The following ADGRF5 variants were observed in gnomAD, a reference collection of about 807,000 sequenced individuals.
The protein encoded by ADGRF5 is G-protein coupled receptor 116.
Under a neutral mutation model 132.3 loss-of-function variants are expected in ADGRF5, and 75 were observed. That is an observed-to-expected ratio of 0.57 (90% CI 0.47 to 0.69). ADGRF5 has a LOEUF of 0.69. Among genes scored for constraint, ADGRF5 ranks in the 30% least tolerant of loss-of-function variants. The pLI is 0.00. For missense variants in ADGRF5, 1,516 were observed against 1,630.6 expected, an observed-to-expected ratio of 0.93 and a Z score of 1.21; for synonymous variants, 629 against 597.6, an observed-to-expected ratio of 1.05 and a Z score of -0.77.
chr6:46,860,342 C>A (rs547257688), intron 16 of ADGRF5, among the ~76,000 whole-genome samples: 1 of 152,176 alleles, frequency 6.6e-6, no homozygotes, highest in Admixed American at 6.5e-5. Flanking sequence ...CCTCCCAGAA[C>A]CTCTATGCTT....
At chr6:46,938,744 C>A (rs913518665) in intron 1 of ADGRF5, among the ~76,000 whole-genome samples, 1 of 152,232 alleles carries the variant, frequency 6.6e-6, no homozygotes, top group Non-Finnish European at 1.5e-5. Flanking sequence ...AACAAACTCT[C>A]CAGGTAACTC....
At chr6:46,864,963 G>T in intron 14 of ADGRF5, 79 bp downstream of exon 14, 1 of 921,760 alleles carries the variant, frequency 1.1e-6, no homozygotes, top group Non-Finnish European at 1.7e-6. Context: ...TTATTGAATG[G>T]GGATGAATGA....
In ADGRF5 at chr6:46,859,102, A is replaced by G. The variant is rs868201238; in HGVS notation, c.2801T>C (p.Met934Thr). The G allele has an allele frequency of 1.2e-6, 2 of 1,613,920 alleles. No individual in the cohort carries two copies. Among genetic ancestry groups the G allele is most frequent in the East Asian group, 2.2e-5 (1 of 44,882 alleles). The change falls in exon 17 of 21, where the codon ATG (methionine) becomes ACG (threonine). Residue 934 changes from methionine to threonine, a missense_variant. Coordinates refer to ENST00000283296, the MANE Select transcript of ADGRF5 (RefSeq NM_001098518.2). Reference protein sequence around the residue: ...MTTTVSHNTTMPFRISMTFKN... With the variant: ...MTTTVSHNTTTPFRISMTFKN... The stretch of plus-strand genomic sequence containing the variant: ...AAAAGTCATTGAAATCCTGAATGGC[A>G]TAGTTGTATTGTGGCTGACAGTGGT...
chr6:46,877,277 TTCTTTCTTTCTTTCTCTCTC>T (rs1771836465), intron 10 of ADGRF5, among the ~76,000 whole-genome samples: 2 of 46,102 alleles, frequency 4.3e-5, no homozygotes, highest in Admixed American at 1.8e-4. Flanking sequence ...CTTTCTTTCT[TTCTTTCTTTCTTTCTCTCTC>T]TCTCTCTCTT....
At chr6:46,863,748 A>G (rs1770057326) in intron 14 of ADGRF5, among the ~76,000 whole-genome samples, 1 of 152,208 alleles carries the variant, frequency 6.6e-6, no homozygotes, top group Admixed American at 6.5e-5. Context: ...TAAGATCTTA[A>G]CCACTGTATA....
intron 9 of ADGRF5, among the ~76,000 whole-genome samples, chr6:46,879,453 C>T (rs562797514): frequency 6.6e-6 from 1 of 151,990 alleles, no homozygotes; most frequent in Non-Finnish European, 1.5e-5. Context: ...TGGTTTAAAA[C>T]CAGATGTTTG....
At position 46,934,712 on chromosome 6, in the gene ADGRF5, C is replaced by T. The variant is rs552509448; in HGVS notation, c.-25+20022G>A. 3.2e-4 allele frequency among the ~76,000 whole-genome samples: 49 copies of T among 152,162 alleles called. 1 individual carries two copies. Among genetic ancestry groups the T allele is most frequent in the Non-Finnish European group, 1.5e-4 (10 of 68,016 alleles). The stretch of plus-strand genomic sequence containing the variant: ...AGAGGCTGGAGAGACTTCAGGCAAA[C>T]TCAACAGTCCCAAACCCTTAGAAAC... On this transcript the variant is annotated intron_variant, in intron 1 of 20. Transcript: ENST00000265417.
At position 46,906,666 on chromosome 6, in the gene ADGRF5, G is replaced by A; in HGVS notation, c.97C>T (p.Pro33Ser). ...LNWNYESTIH[P>S]LSLHEHEPAG... ...CAGATATGGATATAACTCACCAAAG[G>A]ATGAATAGTAGACTCGTAATTCCAG... Residue 33 changes from proline to serine, a missense_variant, in exon 2 of 21, where the codon CCT becomes TCT. Transcript: ENST00000283296. 2 of 1,493,718 alleles carry A rather than the reference G, an allele frequency of 1.3e-6. No individual in the cohort carries two copies. The highest frequency in any genetic ancestry group is 1.9e-6 in the Non-Finnish European group (2 of 1,070,780). 92.5% of individuals were successfully genotyped at this position (1,493,718 alleles called of 1,614,324 possible). A position where few individuals can be genotyped will look rare whatever the true frequency, so the allele number is the denominator to read the frequency against.
chr6:46,888,505 A>G lies in ADGRF5; in HGVS notation c.158T>C (p.Val53Ala). The G allele has an allele frequency of 6.2e-7, 1 of 1,610,340 alleles. No individual in the cohort carries two copies. ...TTCAGCCGTAGGACTTTTTGTGGCA[A>G]CTGCAATGAAAGCACATGAAGGCTG... ...GEEALRQKRAVATKSPTAEEY... is the reference protein window; with the variant it reads ...GEEALRQKRAAATKSPTAEEY... The change falls in exon 4 of 21, where the codon GTT becomes GCT. Residue 53 changes from valine (V) to alanine (A), a missense_variant and splice_region_variant. Around this residue, in one of 2 missense-constraint regions of ADGRF5, gnomAD observed 945 missense variants for 929.4 expected, o/e 1.02. Coordinates refer to ENST00000283296, the MANE Select transcript of ADGRF5 (RefSeq NM_001098518.2).
At chr6:46,891,169 G>T (rs1159382105) in intron 3 of ADGRF5, among the ~76,000 whole-genome samples, 3 of 152,108 alleles carry the variant, frequency 2.0e-5, no homozygotes, top group Non-Finnish European at 4.4e-5. Context: ...TTGACAAATA[G>T]AATAAAGTGA....
intron 1 of ADGRF5, among the ~76,000 whole-genome samples, chr6:46,954,229 C>A (rs1415563640): frequency 6.7e-6 from 1 of 149,908 alleles, no homozygotes; most frequent in Non-Finnish European, 1.5e-5. Flanking sequence ...TCCACCAGAT[C>A]CCTGAACAAA....
At chr6:46,886,044 G>A (rs1773038157) in intron 4 of ADGRF5, among the ~76,000 whole-genome samples, 1 of 152,196 alleles carries the variant, frequency 6.6e-6, no homozygotes, top group Non-Finnish European at 1.5e-5. Context: ...CAGCCTACAT[G>A]AACTCTGCTC....
In ADGRF5 at chr6:46,921,717, C is replaced by G. The variant is rs1776968012; in HGVS notation, c.-29G>C. ...AGTAGGAGAAATGTCTGTTACCTGT[C>G]CAGCACTGTGGTCCCCCGGCTGGCT... is the stretch of plus-strand genomic sequence containing the variant. On this transcript the variant is annotated 5_prime_UTR_variant, in exon 1 of 21. Transcript: ENST00000283296. 1 of 152,278 alleles carries G rather than the reference C, an allele frequency of 6.6e-6. No individual in the cohort carries two copies. Among genetic ancestry groups the G allele is most frequent in the South Asian group, 2.1e-4 (1 of 4,834 alleles). The allele number at this position is 152,278 out of a possible 1,614,324, so 9.4% of individuals were successfully genotyped here.
At chr6:46,947,847 A>G (rs998465860) in intron 1 of ADGRF5, among the ~76,000 whole-genome samples, 15 of 152,158 alleles carry the variant, frequency 9.9e-5, no homozygotes. Context: ...CTGGACATCC[A>G]CCTGCCAGCA....
intron 1 of ADGRF5, among the ~76,000 whole-genome samples, chr6:46,940,639 C>T (rs951981605): frequency 6.6e-5 from 10 of 152,146 alleles, no homozygotes; most frequent in Non-Finnish European, 8.8e-5. Flanking sequence ...GCTCTGAAGC[C>T]CTCTAAAGAG....
At chr6:46,890,250 G>A (rs575367778) in intron 3 of ADGRF5, among the ~76,000 whole-genome samples, 28 of 151,872 alleles carry the variant, frequency 1.8e-4, no homozygotes, top group African/African-American at 5.5e-4. Context: ...ATACCATCAC[G>A]GCCAGCTAAT....
At chr6:46,926,488 G>C (rs1377520297), upstream of ADGRF5, among the ~76,000 whole-genome samples, 1 of 152,052 alleles carries the variant, frequency 6.6e-6, no homozygotes, top group Non-Finnish European at 1.5e-5. Context: ...GGTGAGGGGG[G>C]GGGCAGTGCA....
intron 9 of ADGRF5, 50 bp from the exon 10 acceptor site, chr6:46,878,455 C>A: frequency 1.8e-6 from 2 of 1,120,396 alleles, no homozygotes; most frequent in South Asian, 1.3e-5. Context: ...TGTGTATTTT[C>A]TTAGAGGAAT....
chr6:46,874,410 A>T (rs1334818024), intron 10 of ADGRF5, among the ~76,000 whole-genome samples: 1 of 152,210 alleles, frequency 6.6e-6, no homozygotes, highest in Non-Finnish European at 1.5e-5. Context: ...CAAGACAATG[A>T]TCTATGCAAG....
Sources: allele counts gnomAD v4.1 joint callset (sites outside exome capture counted in the v4.1 genomes callset), GRCh38; gene constraint gnomAD v4.1.1; regional missense constraint gnomAD v4.1.1; transcripts MANE v1.5; gene names NCBI Gene and HGNC (gene_info 2026-07-23, HGNC 2026-07-21).